PSMB7: variants seen among roughly 807,000 people sequenced by gnomAD.
PSMB7 encodes the protein proteasome 20S subunit beta 7, also known as proteasome subunit beta type-7.
A neutral mutation model predicts 28.1 loss-of-function variants in PSMB7; 5 were observed. That is an observed-to-expected ratio of 0.18 (90% CI 0.09 to 0.37). The LOEUF is 0.37. PSMB7 is among the 10% of genes least tolerant of loss of function. The pLI is 1.00. For missense variants in PSMB7, 275 were observed against 346.2 expected, an observed-to-expected ratio of 0.79 and a Z score of 1.63; for synonymous variants, 122 against 123.7, an observed-to-expected ratio of 0.99 and a Z score of 0.09.
chr9:124,374,148 T>G (rs375826089), intron 6 of PSMB7, among the ~76,000 whole-genome samples: 1 of 152,200 alleles, frequency 6.6e-6, no homozygotes, highest in African/African-American at 2.4e-5. Context: ...GACCACATAT[T>G]ATATGATTAC....
At chr9:124,365,635 T>TA (rs779059800) in intron 6 of PSMB7, among the ~76,000 whole-genome samples, 2 of 152,140 alleles carry the variant, frequency 1.3e-5, no homozygotes, top group South Asian at 2.1e-4. Flanking sequence ...ATCATGAAGC[T>TA]AAAAAAACTC....
At chr9:124,408,244 TACA>T (rs1033188534) in intron 4 of PSMB7, among the ~76,000 whole-genome samples, 142 of 152,204 alleles carry the variant, frequency 9.3e-4, no homozygotes, top group African/African-American at 3.3e-3. Context: ...CTGACGGTAG[TACA>T]ACGTTTGTCA....
intron 5 of PSMB7, among the ~76,000 whole-genome samples, chr9:124,387,103 G>A (rs554309068): frequency 3.9e-5 from 6 of 152,136 alleles, no homozygotes; most frequent in East Asian, 1.9e-4. Context: ...AACATTAGCC[G>A]AGCATGGTGG....
chr9:124,405,267 A>G lies in PSMB7; in HGVS notation c.511+50T>C, dbSNP rs144936453. On this transcript the variant is annotated intron_variant, in intron 5 of 7. Transcript: ENST00000259457. The stretch of plus-strand genomic sequence containing the variant: ...AAACAGACCAGCTCTTCAAGAGACC[A>G]TCGTGGTAAGTAAGAGTACTCTTAA... 1.7e-4 allele frequency: 216 copies of G among 1,280,376 alleles called. 2 individuals carry two copies. In the East Asian group the frequency reaches 4.9e-3, roughly 29 times the overall value. The allele number at this position is 1,280,376 out of a possible 1,614,324, so 79.3% of individuals were successfully genotyped here.
At chr9:124,358,202 ACCT>A (rs973773538) in intron 6 of PSMB7, among the ~76,000 whole-genome samples, 3 of 152,146 alleles carry the variant, frequency 2.0e-5, no homozygotes, top group Non-Finnish European at 4.4e-5. Flanking sequence ...AGATCCGCTA[ACCT>A]CAAGTTTTCA....
At chr9:124,385,358 G>A (rs756092529) in intron 5 of PSMB7, among the ~76,000 whole-genome samples, 8 of 152,124 alleles carry the variant, frequency 5.3e-5, no homozygotes, top group Non-Finnish European at 4.4e-5. Context: ...AGGTATTAAC[G>A]GATAGCAAAT....
intron 6 of PSMB7, among the ~76,000 whole-genome samples, chr9:124,369,764 CCT>C (rs1830543592): frequency 6.6e-6 from 1 of 152,138 alleles, no homozygotes; most frequent in Non-Finnish European, 1.5e-5. Flanking sequence ...CTTCTGCCTC[CCT>C]GTCCCACCTT....
intron 5 of PSMB7, among the ~76,000 whole-genome samples, chr9:124,385,832 C>T (rs961688385): frequency 1.1e-4 from 17 of 152,220 alleles, no homozygotes; most frequent in African/African-American, 3.1e-4. Context: ...ACAGCAACGC[C>T]GCATTGAGAA....
intron 5 of PSMB7, among the ~76,000 whole-genome samples, chr9:124,385,040 G>C (rs763235652): frequency 6.6e-6 from 1 of 152,224 alleles, no homozygotes; most frequent in Non-Finnish European, 1.5e-5. Flanking sequence ...GCCTTGGCAG[G>C]CTGCTGGGTA....
chr9:124,415,309 A>T, intron 1 of PSMB7, 55 bp downstream of exon 1: 1 of 1,566,754 alleles, frequency 6.4e-7, no homozygotes, highest in South Asian at 1.1e-5. Flanking sequence ...CCCAGCTCCC[A>T]CCCGAGCACC....
intron 5 of PSMB7, among the ~76,000 whole-genome samples, chr9:124,386,693 T>C (rs1350150395): frequency 6.6e-6 from 1 of 152,230 alleles, no homozygotes; most frequent in East Asian, 1.9e-4. Context: ...GACAGGTATT[T>C]AGCTAGGAGC....
At chr9:124,398,953 G>A (rs1258770232) in intron 5 of PSMB7, among the ~76,000 whole-genome samples, 1 of 150,604 alleles carries the variant, frequency 6.6e-6, no homozygotes, top group African/African-American at 2.5e-5. Context: ...GCAGACTCTG[G>A]CACAGAGACA....
intron 6 of PSMB7, among the ~76,000 whole-genome samples, chr9:124,357,746 T>A (rs371200489): frequency 6.6e-6 from 1 of 152,024 alleles, no homozygotes. Context: ...GCTGCAGAGG[T>A]GGATGACGCC....
chr9:124,410,031 C>T (rs867434209), intron 4 of PSMB7, among the ~76,000 whole-genome samples: 20 of 125,708 alleles, frequency 1.6e-4, no homozygotes, highest in South Asian at 1.5e-3. Flanking sequence ...TTTTTTGAGA[C>T]GGAGTCTCGC....
chr9:124,410,921 C>A (rs1280733977), intron 4 of PSMB7, among the ~76,000 whole-genome samples: 1 of 152,000 alleles, frequency 6.6e-6, no homozygotes, highest in African/African-American at 2.4e-5. Flanking sequence ...AATGAGTTCC[C>A]GAAGATTACG....
chr9:124,367,058 G>C (rs1369715809), intron 6 of PSMB7, among the ~76,000 whole-genome samples: 4 of 152,224 alleles, frequency 2.6e-5, no homozygotes, highest in African/African-American at 4.8e-5. Flanking sequence ...GGGAAGCCGT[G>C]GGGGAGGAAA....
rs1588572820 is a variant in PSMB7, at chr9:124,377,858, T to C, written c.570+6740A>G. 5.3e-5 allele frequency among the ~76,000 whole-genome samples: 8 copies of C among 152,294 alleles called. 2 individuals are homozygous for C. Among genetic ancestry groups the C allele is most frequent in the Admixed American group, 5.2e-4 (8 of 15,300 alleles). The stretch of plus-strand genomic sequence containing the variant: ...GGTATTGCAACCAGAGAAAGGACCA[T>C]CACAGTTGGCATTGACTAAGCATGT... On this transcript the variant is annotated intron_variant, in intron 6 of 7. Coordinates refer to ENST00000259457, the MANE Select transcript of PSMB7 (RefSeq NM_002799.4).
chr9:124,401,074 CAG>C (rs1454556118), intron 5 of PSMB7, among the ~76,000 whole-genome samples: 3 of 151,766 alleles, frequency 2.0e-5, no homozygotes, highest in Admixed American at 1.3e-4. Flanking sequence ...AACTAGATGA[CAG>C]AGAAGGAGAT....
At chr9:124,407,964 T>C (rs771433508) in intron 4 of PSMB7, among the ~76,000 whole-genome samples, 11 of 152,066 alleles carry the variant, frequency 7.2e-5, no homozygotes, top group Non-Finnish European at 1.5e-4. Context: ...CTAAGCAACA[T>C]AGTGAGACAT....
Sources: gnomAD v4.1 joint callset for allele counts (sites outside exome capture counted in the v4.1 genomes callset) on GRCh38, gnomAD v4.1.1 for gene constraint, MANE v1.5 for transcripts, NCBI Gene and HGNC (gene_info 2026-07-23, HGNC 2026-07-21) for gene names.